The following ELMOD3 variants were observed in gnomAD, a reference collection of about 807,000 sequenced individuals.
The protein encoded by ELMOD3 is ELMO domain-containing protein 3.
Under a neutral mutation model 47.4 loss-of-function variants are expected in ELMOD3, and 36 were observed. The observed-to-expected ratio is 0.76, with a 90% CI of 0.58 to 1.00. The LOEUF (loss-of-function observed/expected upper bound fraction) is 1.00. Ranked by LOEUF, ELMOD3 falls within the 50% of genes least tolerant of loss-of-function variation. ELMOD3 has a pLI of 0.00. For missense variants in ELMOD3, 404 were observed against 463.8 expected (o/e 0.87, Z 1.18); for synonymous variants, 149 against 183.5 (o/e 0.81, Z 1.52).
intron 10 of ELMOD3, among the ~76,000 whole-genome samples, chr2:85,375,666 G>A (rs1420184524): frequency 6.6e-6 from 1 of 152,130 alleles, no homozygotes; most frequent in East Asian, 1.9e-4. Flanking sequence ...TATCATTGCT[G>A]TAACAAATTA....
At chr2:85,377,890 C>T (rs559437446) in intron 11 of ELMOD3, among the ~76,000 whole-genome samples, 3 of 152,222 alleles carry the variant, frequency 2.0e-5, no homozygotes, top group South Asian at 4.1e-4. Flanking sequence ...CTGCTGTGTC[C>T]GGTTTCTATT....
chr2:85,387,288 T>G, intron 11 of ELMOD3: 1 of 1,029,960 alleles, frequency 9.7e-7, no homozygotes, highest in Non-Finnish European at 1.2e-6. Context: ...TGCCTAGTAC[T>G]TTGCACATGT....
At chr2:85,386,381 C>CTTTTTTTTTTTTTTTTTTTTTTTT (rs570387148) in intron 11 of ELMOD3, among the ~76,000 whole-genome samples, 2 of 62,468 alleles carry the variant, frequency 3.2e-5, no homozygotes, top group Non-Finnish European at 5.6e-5. Context: ...GATACGTAGG[C>CTTTTTTTTTTTTTTTTTTTTTTTT]TTTTTTTTTT....
At chr2:85,388,443 C>CT (rs1416590787) in intron 11 of ELMOD3, among the ~76,000 whole-genome samples, 1 of 152,210 alleles carries the variant, frequency 6.6e-6, no homozygotes, top group Non-Finnish European at 1.5e-5. Context: ...TAACTTTTTT[C>CT]TGCACAGCAC....
chr2:85,377,714 T>G (rs1039760799), intron 11 of ELMOD3, among the ~76,000 whole-genome samples: 3 of 152,268 alleles, frequency 2.0e-5, no homozygotes, highest in Non-Finnish European at 4.4e-5. Flanking sequence ...TTAGAAATGC[T>G]TGTTCTTTGG....
At chr2:85,390,539 A>G (rs1354235364) in intron 13 of ELMOD3, 1 of 1,577,864 alleles carries the variant, frequency 6.3e-7, no homozygotes, top group East Asian at 2.2e-5. Context: ...GGACTATTCA[A>G]AGTTGCAATT....
chr2:85,384,650 A>G (rs1685806266), intron 11 of ELMOD3, among the ~76,000 whole-genome samples: 1 of 152,146 alleles, frequency 6.6e-6, no homozygotes, highest in Non-Finnish European at 1.5e-5. Context: ...CAGTGGCACA[A>G]TCACAACTCA....
intron 11 of ELMOD3, among the ~76,000 whole-genome samples, chr2:85,379,609 G>A (rs1395910357): frequency 6.6e-6 from 1 of 152,200 alleles, no homozygotes; most frequent in Admixed American, 6.5e-5. Context: ...AGGATCTAAT[G>A]ACAGGTGTAC....
At position 85,371,264 on chromosome 2, in the gene ELMOD3, C is replaced by T. The variant is rs757409054; in HGVS notation, c.484+55C>T. The T allele has an allele frequency of 3.7e-6, 6 of 1,613,670 alleles. No individual in the cohort carries two copies. The South Asian group carries it at 5.5e-5, about 15-fold the overall frequency. ...TGCTGCATCTGTGGTTGGGCAAGAC[C>T]GTGTGTGCTGACCCTGTGAGGCTAA... On this transcript the variant is annotated intron_variant, in intron 9 of 13. Transcript: ENST00000409013.
Position 85,365,734 on chromosome 2 carries a change from C to T in ELMOD3, c.199+2568C>T, listed in dbSNP as rs544859492. On this transcript the variant is annotated intron_variant, in intron 6 of 13. Transcript: ENST00000409013. ...GACTAACCTGTTTTGACAGCATATT[C>T]CCACCCCCTTGCCACTGTGGTTCCT... 1.1e-3 allele frequency among the ~76,000 whole-genome samples: 169 copies of T among 152,270 alleles called. 1 individual carries two copies. Among genetic ancestry groups the T allele is most frequent in the African/African-American group, 4.0e-3 (165 of 41,556 alleles).
At chr2:85,382,339 G>A (rs1249088281) in intron 11 of ELMOD3, among the ~76,000 whole-genome samples, 3 of 150,986 alleles carry the variant, frequency 2.0e-5, no homozygotes, top group Non-Finnish European at 4.4e-5. Flanking sequence ...CTCAGAGGCT[G>A]AGGCAGGAGA....
chr2:85,365,441 G>A (rs1287543528), intron 6 of ELMOD3, among the ~76,000 whole-genome samples: 2 of 152,080 alleles, frequency 1.3e-5, no homozygotes, highest in Non-Finnish European at 2.9e-5. Context: ...GACTATATGA[G>A]TAAGTGGAAG....
intron 9 of ELMOD3, 101 bp from the exon 10 acceptor site, chr2:85,371,339 G>A: frequency 6.3e-7 from 1 of 1,599,374 alleles, no homozygotes; most frequent in Non-Finnish European, 8.5e-7. Flanking sequence ...TGGGAGCTGA[G>A]AACTGGATGT....
At chr2:85,359,515 C>A (rs1443507494) in intron 4 of ELMOD3, among the ~76,000 whole-genome samples, 1 of 147,334 alleles carries the variant, frequency 6.8e-6, no homozygotes, top group Non-Finnish European at 1.5e-5. Context: ...TCAAATGATT[C>A]TCCTGCCTCA....
intron 4 of ELMOD3, 63 bp downstream of exon 4, chr2:85,357,315 A>G (rs1683633189): frequency 1.6e-5 from 17 of 1,082,516 alleles, no homozygotes; most frequent in South Asian, 1.4e-5. Flanking sequence ...TAAGTATAGT[A>G]AGAATATATT....
At chr2:85,378,288 C>T (rs1393285533) in intron 11 of ELMOD3, among the ~76,000 whole-genome samples, 2 of 152,208 alleles carry the variant, frequency 1.3e-5, no homozygotes, top group African/African-American at 4.8e-5. Flanking sequence ...TTACTTTTTA[C>T]AGTGTGACCC....
chr2:85,360,330 T>C (rs1442615312), intron 4 of ELMOD3, among the ~76,000 whole-genome samples: 1 of 151,550 alleles, frequency 6.6e-6, no homozygotes, highest in Non-Finnish European at 1.5e-5. Flanking sequence ...CTATATCCTT[T>C]TTCTAATGTT....
intron 11 of ELMOD3, among the ~76,000 whole-genome samples, chr2:85,381,050 A>G (rs1471306641): frequency 6.6e-6 from 1 of 152,246 alleles, no homozygotes. Context: ...TTTGGAACAC[A>G]TACCAATAAC....
At chr2:85,380,571 G>A (rs986196200) in intron 11 of ELMOD3, among the ~76,000 whole-genome samples, 2 of 137,654 alleles carry the variant, frequency 1.5e-5, no homozygotes, top group Admixed American at 1.4e-4. Context: ...GTCGCGCAGG[G>A]TGAAGTGCAA....
Sources: gnomAD v4.1 joint callset for allele counts (sites outside exome capture counted in the v4.1 genomes callset) on GRCh38, gnomAD v4.1.1 for gene constraint, MANE v1.5 for transcripts, NCBI Gene and HGNC (gene_info 2026-07-23, HGNC 2026-07-21) for gene names.